PTPRN2: variants seen among roughly 807,000 people sequenced by gnomAD.
PTPRN2 encodes the protein receptor-type tyrosine-protein phosphatase N2.
In PTPRN2, 74 loss-of-function variants were observed where a neutral mutation model predicts 118.8. That is an observed-to-expected ratio of 0.62 (90% CI 0.52 to 0.76). The LOEUF (loss-of-function observed/expected upper bound fraction) is 0.76, where lower values mean the gene tolerates loss of function less well. Among genes scored for constraint, PTPRN2 ranks in the 30% least tolerant of loss-of-function variants. The probability of loss-of-function intolerance (pLI) is 0.00; values close to 1 mark genes in which losing one functional copy is unlikely to be tolerated. For missense variants in PTPRN2, 1,481 were observed against 1,394.4 expected, an observed-to-expected ratio of 1.06 and a Z score of -0.99; for synonymous variants, 641 against 608.0, an observed-to-expected ratio of 1.05 and a Z score of -0.80.
intron 11 of PTPRN2, among the ~76,000 whole-genome samples, chr7:157,984,168 AG>A (rs1290560746): frequency 6.6e-6 from 1 of 152,084 alleles, no homozygotes; most frequent in Non-Finnish European, 1.5e-5. Flanking sequence ...GGAGTTGTCC[AG>A]GTAACAATGA....
intron 13 of PTPRN2, among the ~76,000 whole-genome samples, chr7:157,668,830 G>T (rs1796266488): frequency 6.6e-6 from 1 of 152,236 alleles, no homozygotes; most frequent in Non-Finnish European, 1.5e-5. Context: ...CAGGGAAAAG[G>T]CCGGGGAAAA....
chr7:157,990,701 C>A lies in PTPRN2; in HGVS notation c.1723+90597G>T, dbSNP rs1203957669. Among the ~76,000 whole-genome samples the A allele has an allele frequency of 6.6e-6, 1 of 152,148 alleles. No individual in the cohort carries two copies. Among genetic ancestry groups the A allele is most frequent in the Non-Finnish European group, 1.5e-5 (1 of 68,026 alleles). On this transcript the variant is annotated intron_variant, in intron 11 of 22. Transcript: ENST00000389418. This position sits in a 1 kb window ranked among gnomAD's most constrained non-coding sequence, Gnocchi z 4.3. ...GAAACAGCCTCTCATGTTGCTGGGC[C>A]GGTGCTCAGGAGCTGGGGCTGCCTG...
chr7:158,061,756 G>A (rs1810365611), intron 11 of PTPRN2, among the ~76,000 whole-genome samples: 2 of 152,230 alleles, frequency 1.3e-5, no homozygotes, highest in Admixed American at 6.5e-5. Flanking sequence ...TGATCCTGAT[G>A]AGAAGGTTGT....
chr7:158,194,861 G>A (rs527793388), intron 4 of PTPRN2, among the ~76,000 whole-genome samples: 1 of 152,232 alleles, frequency 6.6e-6, no homozygotes, highest in African/African-American at 2.4e-5. Context: ...CTTAACATAT[G>A]AAATACGAGC....
chr7:158,521,903 A>AG (rs1166147216), intron 1 of PTPRN2, among the ~76,000 whole-genome samples: 2 of 34,960 alleles, frequency 5.7e-5, no homozygotes, highest in Non-Finnish European at 1.0e-4. Context: ...GTACTGGCTC[A>AG]GGAGGGAGGT....
chr7:158,308,951 G>A (rs960073498), intron 3 of PTPRN2, among the ~76,000 whole-genome samples: 1 of 152,130 alleles, frequency 6.6e-6, no homozygotes, highest in East Asian at 1.9e-4. Flanking sequence ...ATTTGAATAT[G>A]CCTATAATAA....
At chr7:158,478,166 G>A (rs941133646) in intron 2 of PTPRN2, among the ~76,000 whole-genome samples, 6 of 152,204 alleles carry the variant, frequency 3.9e-5, no homozygotes, top group Middle Eastern at 3.2e-3. Flanking sequence ...CACGGGAGCC[G>A]CGGCCCCAGG....
chr7:158,466,315 G>A (rs890871114), intron 2 of PTPRN2, among the ~76,000 whole-genome samples: 4 of 151,568 alleles, frequency 2.6e-5, no homozygotes, highest in Non-Finnish European at 4.4e-5. Flanking sequence ...CTCATTCCTC[G>A]CCACTCCCAC....
chr7:158,190,779 T>A lies in PTPRN2; in HGVS notation c.549+1548A>T, dbSNP rs560405124. On this transcript the variant is annotated intron_variant, in intron 5 of 22. Coordinates refer to ENST00000389418, the MANE Select transcript of PTPRN2 (RefSeq NM_002847.5). ...GGTCTGGCACCCCGTGGCCCCTGCATGGCTCTGGGCCAGCATCAGGGCTCT... is the reference window on the plus strand; with the variant it reads ...GGTCTGGCACCCCGTGGCCCCTGCAAGGCTCTGGGCCAGCATCAGGGCTCT... Among the ~76,000 whole-genome samples the A allele has an allele frequency of 9.2e-5, 14 of 152,372 alleles. 1 individual carries two copies. Among genetic ancestry groups the A allele is most frequent in the Admixed American group, 3.9e-4 (6 of 15,314 alleles).
rs776045096 is a variant in PTPRN2 at position 157,964,867 on chromosome 7, C to T, written c.1724-66130G>A. Among the ~76,000 whole-genome samples the T allele has an allele frequency of 3.9e-5, 6 of 152,206 alleles. No individual in the cohort carries two copies. The highest frequency in any genetic ancestry group is 6.5e-5 in the Admixed American group (1 of 15,288). On this transcript the variant is annotated intron_variant, in intron 11 of 22. Transcript: ENST00000389418. The surrounding 1 kb of genome is among the most constrained non-coding windows in gnomAD (Gnocchi z 9.0). ...CCCCAATTTCTCCACCGCACAGACT[C>T]GCCAGGGCTTTGGTTTGTGAGTGCC... is the stretch of plus-strand genomic sequence containing the variant.
rs1408138965 is a variant in PTPRN2, at chr7:157,780,902, T to C, written c.1789-97965A>G. On this transcript the variant is annotated intron_variant, in intron 12 of 22. Transcript: ENST00000389418. This position sits in a 1 kb window ranked among gnomAD's most constrained non-coding sequence, Gnocchi z 4.5. ...AGGTCGGTTTCACTTCTCTCCTCAG[T>C]GCACACCTGAACTCTCACCACCCCC... is the stretch of plus-strand genomic sequence containing the variant. Among the ~76,000 whole-genome samples the C allele has an allele frequency of 1.3e-5, 2 of 152,124 alleles. No homozygotes were observed. The highest frequency in any genetic ancestry group is 2.9e-5 in the Non-Finnish European group (2 of 68,020).
chr7:158,173,451 A>C (rs1823899043), intron 5 of PTPRN2, among the ~76,000 whole-genome samples: 1 of 152,192 alleles, frequency 6.6e-6, no homozygotes, highest in Non-Finnish European at 1.5e-5. Flanking sequence ...AGGGGTGTAC[A>C]AATAGGGAGT....
chr7:158,389,025 G>A (rs995391424), intron 2 of PTPRN2, among the ~76,000 whole-genome samples: 1 of 152,244 alleles, frequency 6.6e-6, no homozygotes, highest in African/African-American at 2.4e-5. Context: ...ATGGAGGCTT[G>A]ATTTCACCCA....
chr7:158,275,001 C>T (rs1413081151), intron 3 of PTPRN2, among the ~76,000 whole-genome samples: 22 of 152,188 alleles, frequency 1.4e-4, no homozygotes, highest in Admixed American at 1.4e-3. Context: ...CTGTCTCCCC[C>T]CAAAATAGGG....
chr7:158,391,946 C>T (rs777606551), intron 2 of PTPRN2, among the ~76,000 whole-genome samples: 26 of 152,204 alleles, frequency 1.7e-4, no homozygotes, highest in Non-Finnish European at 2.8e-4. Flanking sequence ...ACAGGGAGCC[C>T]GCCTGTGAGT....
At chr7:157,860,305 ACTCT>A (rs1239976007) in intron 12 of PTPRN2, among the ~76,000 whole-genome samples, 1 of 151,964 alleles carries the variant, frequency 6.6e-6, no homozygotes, top group Admixed American at 6.6e-5. Flanking sequence ...CCAAGCCAAG[ACTCT>A]CTCTAGGGAT....
intron 2 of PTPRN2, among the ~76,000 whole-genome samples, chr7:158,419,724 C>G (rs964385432): frequency 4.6e-5 from 7 of 152,216 alleles, no homozygotes; most frequent in Non-Finnish European, 8.8e-5. Flanking sequence ...CAGCATTCAC[C>G]ACTCAGGGAT....
intron 14 of PTPRN2, among the ~76,000 whole-genome samples, chr7:157,652,989 T>C (rs1382334884): frequency 6.6e-6 from 1 of 152,200 alleles, no homozygotes; most frequent in East Asian, 1.9e-4. Flanking sequence ...AGGCCCTTCC[T>C]GTGGGGCCAC....
At chr7:158,171,113 T>TAC (rs1270109205) in intron 5 of PTPRN2, among the ~76,000 whole-genome samples, 1 of 68,686 alleles carries the variant, frequency 1.5e-5, no homozygotes, top group East Asian at 3.6e-4. Flanking sequence ...CACATATATA[T>TAC]ACACACATAT....
Sources: gnomAD v4.1 joint callset for allele counts (sites outside exome capture counted in the v4.1 genomes callset) on GRCh38, gnomAD v4.1.1 for gene constraint, Gnocchi (gnomAD v3.1) non-coding constraint, MANE v1.5 for transcripts, NCBI Gene and HGNC (gene_info 2026-07-23, HGNC 2026-07-21) for gene names.